The following FBXL17 variants were observed in gnomAD, a reference collection of about 807,000 sequenced individuals.
The protein encoded by FBXL17 is F-box and leucine rich repeat protein 17, also known as F-box/LRR-repeat protein 17.
A neutral mutation model predicts 66.2 loss-of-function variants in FBXL17; 22 were observed. The ratio of observed to expected loss-of-function variants is 0.33; its 90% CI spans 0.24 to 0.47. The LOEUF (loss-of-function observed/expected upper bound fraction) is 0.47, where lower values mean the gene tolerates loss of function less well. Ranked by LOEUF, FBXL17 falls within the 20% of genes least tolerant of loss-of-function variation. The pLI is 1.00. For missense variants in FBXL17, 878 were observed against 948.2 expected (o/e 0.93, Z 0.97); for synonymous variants, 474 against 400.5 (o/e 1.18, Z -2.19).
At chr5:107,983,865 G>A (rs913663920) in intron 7 of FBXL17, among the ~76,000 whole-genome samples, 2 of 152,076 alleles carry the variant, frequency 1.3e-5, no homozygotes, top group South Asian at 4.1e-4. Context: ...GAGGGAGGGA[G>A]ACAGGAAGAA....
At chr5:107,991,972 C>G (rs1428253681) in intron 7 of FBXL17, among the ~76,000 whole-genome samples, 3 of 152,064 alleles carry the variant, frequency 2.0e-5, no homozygotes, top group Non-Finnish European at 4.4e-5. Context: ...TTGCTTAAAT[C>G]AGAGTATCAG....
chr5:108,014,795 A>G (rs1349036066), intron 7 of FBXL17, among the ~76,000 whole-genome samples: 1 of 152,220 alleles, frequency 6.6e-6, no homozygotes, highest in Non-Finnish European at 1.5e-5. Context: ...AAAGAAAAAG[A>G]GCTTTAATGG....
At chr5:108,046,550 T>C (rs773222027) in intron 6 of FBXL17, among the ~76,000 whole-genome samples, 8 of 152,328 alleles carry the variant, frequency 5.3e-5, no homozygotes, top group Non-Finnish European at 1.2e-4. Flanking sequence ...TTTCTGGGGT[T>C]ACATGAACAT....
At chr5:107,983,814 T>C (rs957962316) in intron 7 of FBXL17, among the ~76,000 whole-genome samples, 1 of 151,782 alleles carries the variant, frequency 6.6e-6, no homozygotes, top group African/African-American at 2.4e-5. Flanking sequence ...CAACACATCA[T>C]AAATAGAAAT....
At chr5:108,248,680 C>T (rs547051320) in intron 4 of FBXL17, among the ~76,000 whole-genome samples, 4 of 152,062 alleles carry the variant, frequency 2.6e-5, no homozygotes, top group Non-Finnish European at 5.9e-5. Flanking sequence ...AAACGAAAGG[C>T]GAAAATAATC....
intron 7 of FBXL17, among the ~76,000 whole-genome samples, chr5:107,950,136 G>C (rs1168998745): frequency 1.3e-5 from 2 of 152,128 alleles, no homozygotes; most frequent in African/African-American, 4.8e-5. Context: ...GAGGGTTGTT[G>C]AAGAAGGGGA....
intron 6 of FBXL17, among the ~76,000 whole-genome samples, chr5:108,044,253 T>C (rs1387390976): frequency 1.1e-5 from 1 of 90,524 alleles, no homozygotes; most frequent in Non-Finnish European, 2.1e-5. Flanking sequence ...CTTACCTTGT[T>C]CCTGGTCATA....
intron 7 of FBXL17, among the ~76,000 whole-genome samples, chr5:107,952,494 C>G (rs1751528479): frequency 6.6e-6 from 1 of 152,170 alleles, no homozygotes; most frequent in African/African-American, 2.4e-5. Context: ...AGGGTCAAAT[C>G]TTAAAGAAAG....
intron 7 of FBXL17, among the ~76,000 whole-genome samples, chr5:107,967,224 T>C (rs1752177832): frequency 6.6e-6 from 1 of 151,944 alleles, no homozygotes; most frequent in Non-Finnish European, 1.5e-5. Flanking sequence ...GAGAATGATG[T>C]TTCTGTAAAT....
intron 6 of FBXL17, among the ~76,000 whole-genome samples, chr5:108,109,037 C>A (rs1397342983): frequency 6.6e-6 from 1 of 152,096 alleles, no homozygotes. Context: ...CCCACCTCGG[C>A]CTCCCAAAGT....
chr5:108,158,944 A>G (rs1752103445), intron 6 of FBXL17, among the ~76,000 whole-genome samples: 1 of 152,174 alleles, frequency 6.6e-6, no homozygotes, highest in Non-Finnish European at 1.5e-5. Flanking sequence ...CAGAAGAGAT[A>G]AATATAGCTA....
At chr5:107,877,304 T>C (rs1249406713) in intron 8 of FBXL17, among the ~76,000 whole-genome samples, 1 of 152,222 alleles carries the variant, frequency 6.6e-6, no homozygotes, top group Non-Finnish European at 1.5e-5. Context: ...CAGTTTAGCT[T>C]AGCCCTTGTT....
chr5:108,214,483 T>C (rs138933641), intron 5 of FBXL17, among the ~76,000 whole-genome samples: 3,752 of 151,692 alleles, frequency 0.025, 151 homozygotes, highest in African/African-American at 0.086. Context: ...TTCTCCTGCC[T>C]CAGCCTCCCG....
chr5:108,060,247 A>G (rs1356065581), intron 6 of FBXL17, among the ~76,000 whole-genome samples: 1 of 151,814 alleles, frequency 6.6e-6, no homozygotes, highest in African/African-American at 2.4e-5. Context: ...GCTTCACACT[A>G]TTTTTCAGCT....
chr5:108,254,836 T>C (rs73781305), intron 4 of FBXL17, among the ~76,000 whole-genome samples: 10,201 of 152,266 alleles, frequency 0.067, 1,118 homozygotes, highest in African/African-American at 0.23. Context: ...AGAAAAATCA[T>C]TGAGTGTCAA....
At chr5:107,948,673 T>G (rs896411498) in intron 7 of FBXL17, among the ~76,000 whole-genome samples, 1 of 152,332 alleles carries the variant, frequency 6.6e-6, no homozygotes, top group Admixed American at 6.5e-5. Flanking sequence ...CCCAAATTTC[T>G]TCCTTGGCCT....
At chr5:108,261,487 T>C (rs1756817722) in intron 4 of FBXL17, among the ~76,000 whole-genome samples, 1 of 152,132 alleles carries the variant, frequency 6.6e-6, no homozygotes, top group East Asian at 1.9e-4. Flanking sequence ...TAAAAGAATA[T>C]AATATATTTT....
intron 3 of FBXL17, among the ~76,000 whole-genome samples, chr5:108,361,662 T>C (rs1281750916): frequency 6.6e-6 from 1 of 152,142 alleles, no homozygotes. Context: ...CTCACCATAA[T>C]CTATTGCCCA....
chr5:108,136,557 C>T (rs1331912291), intron 6 of FBXL17, among the ~76,000 whole-genome samples: 1 of 152,162 alleles, frequency 6.6e-6, no homozygotes, highest in Non-Finnish European at 1.5e-5. Context: ...AGCTGAATAG[C>T]TTCTGCAGCC....
Sources: allele counts gnomAD v4.1 joint callset (sites outside exome capture counted in the v4.1 genomes callset), GRCh38; gene constraint gnomAD v4.1.1; transcripts MANE v1.5; gene names NCBI Gene and HGNC (gene_info 2026-07-23, HGNC 2026-07-21).